Variants in AGBL2 observed in about 807,000 individuals in gnomAD.
AGBL2 encodes the protein cytosolic carboxypeptidase 2.
Under a neutral mutation model 103.0 loss-of-function variants are expected in AGBL2, and 87 were observed. The ratio of observed to expected loss-of-function variants is 0.84; its 90% CI spans 0.71 to 1.01. AGBL2 has a LOEUF of 1.01. Ranked by LOEUF, AGBL2 falls within the 50% of genes least tolerant of loss-of-function variation. The pLI is 0.00. For synonymous variants in AGBL2, 335 were observed against 356.7 expected, an observed-to-expected ratio of 0.94 and a Z score of 0.69; for missense variants, 904 against 1,023.5, an observed-to-expected ratio of 0.88 and a Z score of 1.59.
At chr11:47,680,314 C>T (rs573121070) in intron 12 of AGBL2, among the ~76,000 whole-genome samples, 28 of 151,980 alleles carry the variant, frequency 1.8e-4, no homozygotes, top group Admixed American at 1.6e-3. Context: ...ATTAGCCGGG[C>T]GTGGTGGTGG....
intron 17 of AGBL2, 77 bp downstream of exon 17, chr11:47,666,879 T>A: frequency 1.1e-6 from 1 of 947,558 alleles, no homozygotes; most frequent in East Asian, 2.6e-5. Context: ...ATTACATTTG[T>A]CACATTGTGG....
At chr11:47,688,967 C>T (rs952594718) in intron 10 of AGBL2, among the ~76,000 whole-genome samples, 11 of 152,068 alleles carry the variant, frequency 7.2e-5, no homozygotes, top group African/African-American at 2.7e-4. Flanking sequence ...AACTCCTGAC[C>T]TCAGGTGATC....
rs78334399 is a variant in AGBL2, at chr11:47,694,432, C to T, written c.695-2176G>A. ...GTGGGTCCAGCCCTAGCCATGTATA[C>T]TGCGTTCTCCAGTATATGTGGAGGC... On this transcript the variant is annotated intron_variant, in intron 8 of 18. Coordinates refer to ENST00000525123, the MANE Select transcript of AGBL2 (RefSeq NM_024783.4). Among the ~76,000 whole-genome samples, 6 of 152,208 alleles carry T rather than the reference C, an allele frequency of 3.9e-5. No individual in the cohort carries two copies. The South Asian group carries it at 1.0e-3, about 26-fold the overall frequency.
intron 10 of AGBL2, among the ~76,000 whole-genome samples, chr11:47,689,566 A>G (rs559016240): frequency 6.6e-6 from 1 of 152,110 alleles, no homozygotes; most frequent in South Asian, 2.1e-4. Flanking sequence ...CAGCCTCCCA[A>G]AGTGCTGGGA....
intron 3 of AGBL2, among the ~76,000 whole-genome samples, chr11:47,713,385 C>T (rs2097541155): frequency 2.2e-5 from 3 of 138,326 alleles, no homozygotes; most frequent in South Asian, 2.4e-4. Context: ...ATTACCCAGG[C>T]GTGGTGGCTC....
rs763548477 is a variant in AGBL2 at position 47,681,974 on chromosome 11, G to A, written c.1910C>T (p.Thr637Ile). 1.7e-5 allele frequency: 27 copies of A among 1,613,854 alleles called. No individual in the cohort carries two copies. The highest frequency in any genetic ancestry group is 2.2e-5 in the Non-Finnish European group (26 of 1,180,010). ...YTMESTFGGS[T>I]LGNKRDTHFT... Reference sequence around the variant, plus strand: ...ATATACAAAAGAGAATGTACCCAGGGTGGACCCGCCAAAGGTAGACTCCAT... The same window carrying A: ...ATATACAAAAGAGAATGTACCCAGGATGGACCCGCCAAAGGTAGACTCCAT... The change falls in exon 12 of 19, where the codon ACC (threonine) becomes ATC (isoleucine). Residue 637 changes from threonine to isoleucine, a missense_variant. Thr to Ile is a moderately conservative substitution (Grantham distance 89). Coordinates refer to ENST00000525123, the MANE Select transcript of AGBL2 (RefSeq NM_024783.4).
intron 17 of AGBL2, chr11:47,666,557 C>A: frequency 2.4e-6 from 1 of 414,918 alleles, no homozygotes. Context: ...GTCCCCGAGG[C>A]AGGGATAGTA....
Position 47,676,429 on chromosome 11 carries a change from A to G in AGBL2, c.2147+842T>C, listed in dbSNP as rs115816117. ...TCTAAGCCTCCATTATCTTTTACCT[A>G]TATTATTGCAAGAGCCTCCTATTGA... On this transcript the variant is annotated intron_variant, in intron 14 of 18. Transcript: ENST00000525123. Among the ~76,000 whole-genome samples, 1,357 of 152,180 alleles carry G rather than the reference A, an allele frequency of 8.9e-3. 26 individuals are homozygous for G. Among genetic ancestry groups the G allele is most frequent in the African/African-American group, 0.031 (1,297 of 41,520 alleles).
chr11:47,689,463 C>T (rs2153804191), intron 10 of AGBL2, among the ~76,000 whole-genome samples: 1 of 152,104 alleles, frequency 6.6e-6, no homozygotes, highest in Middle Eastern at 3.4e-3. Context: ...CACCAGCACG[C>T]CTGGCTAATT....
At chr11:47,697,540 C>CTTT (rs56014951) in intron 8 of AGBL2, among the ~76,000 whole-genome samples, 4 of 50,404 alleles carry the variant, frequency 7.9e-5, no homozygotes, top group East Asian at 5.5e-4. Flanking sequence ...GCCAAGCCTA[C>CTTT]TTTTTTTTTT....
chr11:47,680,006 G>T lies in AGBL2; in HGVS notation c.1983C>A (p.Thr661=), dbSNP rs142525566. 6.2e-7 allele frequency: 1 copy of T among 1,612,480 alleles called. No homozygotes were observed. Among genetic ancestry groups the T allele is most frequent in the Non-Finnish European group, 8.5e-7 (1 of 1,178,988 alleles). Residue 661 remains threonine (T), a synonymous_variant, in exon 13 of 19, where the codon ACC becomes ACA. Coordinates refer to ENST00000525123, the MANE Select transcript of AGBL2 (RefSeq NM_024783.4). ...GGTCAGGATCACAAAAGTCCAGAAG[G>T]GTGTCACAGACATGATAACCTAAGG... ...LKSLGYHVCD[T]LLDFCDPDQM...
chr11:47,663,260 G>T (rs191331356), intron 17 of AGBL2, 148 bp from the exon 18 acceptor site: 5 of 594,124 alleles, frequency 8.4e-6, no homozygotes, highest in African/African-American at 1.9e-5. Flanking sequence ...ATAATTCAAA[G>T]AAGGAAAAAC....
Position 47,660,051 on chromosome 11 carries a change from G to T in AGBL2, c.*122C>A. 2 of 1,050,830 alleles carry T rather than the reference G, an allele frequency of 1.9e-6. No individual in the cohort carries two copies. The highest frequency in any genetic ancestry group is 2.7e-6 in the Non-Finnish European group (2 of 734,220). The allele number at this position is 1,050,830 out of a possible 1,614,324, so 65.1% of individuals were successfully genotyped here. A position where few individuals can be genotyped will look rare whatever the true frequency, so the allele number is the denominator to read the frequency against. The stretch of plus-strand genomic sequence containing the variant: ...AGTACAAAGTGTAAGGTCAGTGCAT[G>T]AGTGCACAACACAGTATACCACAAG... On this transcript the variant is annotated 3_prime_UTR_variant, in exon 19 of 19. Coordinates refer to ENST00000525123, the MANE Select transcript of AGBL2 (RefSeq NM_024783.4).
chr11:47,688,046 G>C (rs2153804096), intron 10 of AGBL2, among the ~76,000 whole-genome samples: 1 of 152,106 alleles, frequency 6.6e-6, no homozygotes, highest in South Asian at 2.1e-4. Context: ...GACCTCAAGT[G>C]ATCTGCCTGC....
chr11:47,681,279 C>A (rs2097400163), intron 12 of AGBL2, among the ~76,000 whole-genome samples: 1 of 151,840 alleles, frequency 6.6e-6, no homozygotes, highest in Non-Finnish European at 1.5e-5. Flanking sequence ...ATGCAGAGAG[C>A]CATGATCATG....
At position 47,692,186 on chromosome 11, in the gene AGBL2, A is replaced by T; in HGVS notation, c.765T>A (p.Ala255=). Residue 255 remains alanine (A), a synonymous_variant, in exon 9 of 19, where the codon GCT becomes GCA. Transcript: ENST00000525123. ...GGKRGIVKEL[A]VTLQGPEDNT... is the part of the protein sequence containing the mutation. ...TATCTTCTGGTCCTTGCAACGTGAC[A>T]GCAAGTTCCTTGACAATTCCTCGTT... 6.2e-7 allele frequency: 1 copy of T among 1,613,886 alleles called. No individual in the cohort carries two copies. The highest frequency in any genetic ancestry group is 8.5e-7 in the Non-Finnish European group (1 of 1,179,920).
intron 17 of AGBL2, among the ~76,000 whole-genome samples, chr11:47,663,752 T>C (rs1401705908): frequency 1.3e-5 from 2 of 151,228 alleles, no homozygotes; most frequent in Non-Finnish European, 2.9e-5. Flanking sequence ...GACAGGGTTT[T>C]TCCATGTTGG....
intron 4 of AGBL2, among the ~76,000 whole-genome samples, chr11:47,708,450 A>T (rs983192475): frequency 6.9e-5 from 10 of 145,484 alleles, no homozygotes; most frequent in Admixed American, 2.8e-4. Flanking sequence ...TTTGTTGCAA[A>T]TTTTTTTTTT....
At chr11:47,711,530 C>G (rs2097536379) in intron 3 of AGBL2, among the ~76,000 whole-genome samples, 1 of 152,186 alleles carries the variant, frequency 6.6e-6, no homozygotes, top group African/African-American at 2.4e-5. Context: ...TACACAACCC[C>G]TCCCTGAATG....
Sources: allele counts gnomAD v4.1 joint callset (sites outside exome capture counted in the v4.1 genomes callset), GRCh38; gene constraint gnomAD v4.1.1; transcripts MANE v1.5; gene names NCBI Gene and HGNC (gene_info 2026-07-23, HGNC 2026-07-21).